DCX: variants seen among roughly 807,000 people sequenced by gnomAD.
DCX encodes the protein neuronal migration protein doublecortin.
Under a neutral mutation model 20.9 loss-of-function variants are expected in DCX, and 4 were observed. The ratio of observed to expected loss-of-function variants is 0.19; its 90% confidence interval spans 0.09 to 0.44. The LOEUF is 0.44. Ranked by LOEUF, DCX falls within the 20% of genes least tolerant of loss-of-function variation. The pLI, the probability that DCX is intolerant of heterozygous loss-of-function variation, is 0.99. For synonymous variants in DCX, 103 were observed against 111.4 expected, an observed-to-expected ratio of 0.92 and a Z score of 0.47; for missense variants, 133 against 296.9, an observed-to-expected ratio of 0.45 and a Z score of 4.06.
In DCX at chrX:111,297,049, C is replaced by T. The variant is rs778248975; in HGVS notation, c.*4638G>A. The T allele has an allele frequency of 8.9e-6, 1 of 111,876 alleles. No homozygotes were observed. The highest frequency in any genetic ancestry group is 1.9e-5 in the Non-Finnish European group (1 of 53,190). The allele number at this position is 111,876 out of a possible 1,213,427, so 9.2% of individuals were successfully genotyped here. ...TGAGCTCCAAAACACTTATGGTTCA[C>T]TTGGGAGACCAGTCTGGGACTTAAA... is the stretch of plus-strand genomic sequence containing the variant. On this transcript the variant is annotated 3_prime_UTR_variant, in exon 7 of 7. Coordinates refer to ENST00000636035, the MANE Select transcript of DCX (RefSeq NM_001195553.2).
chrX:111,334,256 A>G (rs1393865048), intron 3 of DCX, among the ~76,000 whole-genome samples: 1 of 112,310 alleles, frequency 8.9e-6, no homozygotes, highest in Non-Finnish European at 1.9e-5. Context: ...AAAAGGAGAT[A>G]TACTTAAAGA....
At chrX:111,328,426 C>G (rs1195445389) in intron 5 of DCX, among the ~76,000 whole-genome samples, 1 of 111,651 alleles carries the variant, frequency 9.0e-6, no homozygotes, top group Non-Finnish European at 1.9e-5. Context: ...AATGATTTGA[C>G]ATAGATTTAA....
chrX:111,343,363 C>T, intron 3 of DCX, among the ~76,000 whole-genome samples: 1 of 107,296 alleles, frequency 9.3e-6, no homozygotes, highest in East Asian at 3.0e-4. Context: ...CCTCCCAAGA[C>T]TAAACCAGGA....
intron 3 of DCX, among the ~76,000 whole-genome samples, chrX:111,365,899 C>T (rs1304825849): frequency 4.5e-5 from 5 of 111,368 alleles, no homozygotes; most frequent in African/African-American, 1.6e-4. Context: ...TCACTCTTTG[C>T]TGTGGGGTTG....
At chrX:111,382,257 A>G (rs1926030385) in intron 3 of DCX, among the ~76,000 whole-genome samples, 1 of 111,861 alleles carries the variant, frequency 8.9e-6, no homozygotes, top group Non-Finnish European at 1.9e-5. Context: ...CTTGTACACA[A>G]ATTAAAGTTT....
intron 3 of DCX, among the ~76,000 whole-genome samples, chrX:111,382,331 T>C (rs955704292): frequency 2.0e-4 from 22 of 112,199 alleles, no homozygotes; most frequent in Middle Eastern, 4.6e-3. Context: ...GAATTGCTTG[T>C]GGAGCTTTCA....
intron 5 of DCX, among the ~76,000 whole-genome samples, chrX:111,319,886 C>A (rs1185290624): frequency 8.9e-6 from 1 of 112,084 alleles, no homozygotes; most frequent in East Asian, 2.8e-4. Context: ...AGCTTTATAG[C>A]CTCTCTATAT....
At chrX:111,396,524 G>T (rs1362550066) in intron 3 of DCX, among the ~76,000 whole-genome samples, 2 of 112,023 alleles carry the variant, frequency 1.8e-5, no homozygotes, top group African/African-American at 6.5e-5. Flanking sequence ...CAAAAAGCTG[G>T]AAGTCTATTA....
chrX:111,366,899 T>A (rs1603419556), intron 3 of DCX, among the ~76,000 whole-genome samples: 1 of 111,667 alleles, frequency 9.0e-6, no homozygotes, highest in East Asian at 2.8e-4. Flanking sequence ...AATTAGACTA[T>A]GTATCACTAT....
At chrX:111,409,806 A>G (rs1408302146) in intron 2 of DCX, among the ~76,000 whole-genome samples, 5 of 112,185 alleles carry the variant, frequency 4.5e-5, no homozygotes, top group Non-Finnish European at 9.4e-5. Flanking sequence ...ATACCCTGGC[A>G]GATAAGCACA....
At chrX:111,346,730 C>T (rs1192894816) in intron 3 of DCX, among the ~76,000 whole-genome samples, 2 of 112,083 alleles carry the variant, frequency 1.8e-5, no homozygotes, top group Non-Finnish European at 3.8e-5. Context: ...ATTTATGTTA[C>T]ACATATTTGA....
intron 3 of DCX, among the ~76,000 whole-genome samples, chrX:111,390,769 C>T (rs1032588444): frequency 9.9e-5 from 11 of 110,638 alleles, no homozygotes; most frequent in African/African-American, 2.6e-4. Context: ...GAGGCTGAGG[C>T]GGGCAGATCA....
chrX:111,331,475 C>A (rs893977338), intron 4 of DCX, among the ~76,000 whole-genome samples: 1 of 111,940 alleles, frequency 8.9e-6, no homozygotes, highest in Non-Finnish European at 1.9e-5. Flanking sequence ...AGAGAGCTAC[C>A]ACTTACTATT....
At chrX:111,397,000 A>G (rs1405777282) in intron 3 of DCX, among the ~76,000 whole-genome samples, 1 of 111,699 alleles carries the variant, frequency 9.0e-6, no homozygotes, top group African/African-American at 3.3e-5. Context: ...ATAACATCAA[A>G]CATAAGCCCT....
chrX:111,346,492 C>G (rs1278345127), intron 3 of DCX, among the ~76,000 whole-genome samples: 1 of 112,167 alleles, frequency 8.9e-6, no homozygotes, highest in African/African-American at 3.2e-5. Context: ...TATGAAATAT[C>G]TAGAAGAGAC....
rs770920477 is a variant in DCX at position 111,404,219 on chromosome X, G to T, written c.365-2889C>A. Among the ~76,000 whole-genome samples the T allele has an allele frequency of 5.4e-5, 6 of 110,602 alleles. No homozygotes were observed. In the South Asian group the frequency reaches 2.3e-3, roughly 43 times the overall value. Reference sequence around the variant, plus strand: ...GCAAAGAGGAAAAGAGGAAAAAATTGCTGAGAGAAAGAGACTAAAAAGAGG... The same window carrying T: ...GCAAAGAGGAAAAGAGGAAAAAATTTCTGAGAGAAAGAGACTAAAAAGAGG... On this transcript the variant is annotated intron_variant, in intron 2 of 6. Coordinates refer to ENST00000636035, the MANE Select transcript of DCX (RefSeq NM_001195553.2).
chrX:111,403,565 C>A (rs1927973429), intron 2 of DCX, among the ~76,000 whole-genome samples: 1 of 111,602 alleles, frequency 9.0e-6, no homozygotes, highest in South Asian at 3.9e-4. Flanking sequence ...TCTCGTTGGG[C>A]TGAATATGGA....
At chrX:111,364,800 A>G (rs1400352974) in intron 3 of DCX, among the ~76,000 whole-genome samples, 1 of 111,897 alleles carries the variant, frequency 8.9e-6, no homozygotes, top group Non-Finnish European at 1.9e-5. Context: ...CACAGTCACA[A>G]AAGTGGTTAC....
chrX:111,320,707 C>A lies in DCX; in HGVS notation c.947-7971G>T, dbSNP rs191878912. On this transcript the variant is annotated intron_variant, in intron 5 of 6. Coordinates refer to ENST00000636035, the MANE Select transcript of DCX (RefSeq NM_001195553.2). ...TTTTCCCCTTGGCAACAAGGGGCAT[C>A]AAAAACTTTTCTATCTCCTAGGCCA... Among the ~76,000 whole-genome samples the A allele has an allele frequency of 6.6e-3, 733 of 110,362 alleles. 4 individuals carry two copies. The highest frequency in any genetic ancestry group is 9.1e-3 in the Non-Finnish European group (480 of 52,871).
Sources: allele counts gnomAD v4.1 joint callset (sites outside exome capture counted in the v4.1 genomes callset), GRCh38; gene constraint gnomAD v4.1.1; transcripts MANE v1.5; gene names NCBI Gene and HGNC (gene_info 2026-07-23, HGNC 2026-07-21).